CELF2: variants seen among roughly 807,000 people sequenced by gnomAD.
CELF2 encodes the protein CUGBP Elav-like family member 2.
Under a neutral mutation model 62.6 loss-of-function variants are expected in CELF2, and 8 were observed. The observed-to-expected ratio is 0.13, with a 90% confidence interval of 0.07 to 0.23. CELF2 has a LOEUF of 0.23. CELF2 is among the 10% of genes least tolerant of loss of function. The pLI, the probability that CELF2 is intolerant of heterozygous loss-of-function variation, is 1.00. For synonymous variants in CELF2, 258 were observed against 250.0 expected (o/e 1.03, Z -0.30); for missense variants, 333 against 671.0 (o/e 0.50, Z 5.56).
At chr10:11,017,232 C>A (rs563027446), upstream of CELF2, among the ~76,000 whole-genome samples, 1 of 152,310 alleles carries the variant, frequency 6.6e-6, no homozygotes, top group African/African-American at 2.4e-5. This position sits in a 1 kb window ranked among gnomAD's most constrained non-coding sequence, Gnocchi z 5.5. Context: ...TGAATTCACT[C>A]AGCTGGTTTC....
rs896525360 is a variant in CELF2 at position 11,333,549 on chromosome 10, A to T, written c.*4496A>T. 3.3e-5 allele frequency: 5 copies of T among 152,334 alleles called. No individual in the cohort carries two copies. The highest frequency in any genetic ancestry group is 7.2e-5 in the African/African-American group (3 of 41,454). The allele number at this position is 152,334 out of a possible 1,614,324, so 9.4% of individuals were successfully genotyped here. On this transcript the variant is annotated 3_prime_UTR_variant, in exon 13 of 13. Transcript: ENST00000633077. The stretch of plus-strand genomic sequence containing the variant: ...TTATCTTAAGTGCTAATTAAAAAAA[A>T]AATAAAATTTTAAAAAAACCTGTAG...
At chr10:11,107,106 G>A (rs1479675157) in intron 1 of CELF2, among the ~76,000 whole-genome samples, 3 of 152,204 alleles carry the variant, frequency 2.0e-5, no homozygotes, top group African/African-American at 4.8e-5. Flanking sequence ...CGTGGATACC[G>A]GTTTCCTCAG....
At chr10:10,718,985 CTTTTT>C in the CELF2 span, among the ~76,000 whole-genome samples, 4 of 125,124 alleles carry the variant, frequency 3.2e-5, no homozygotes, top group Admixed American at 2.5e-4. Context: ...TTATTATTCT[CTTTTT>C]TTTTTTTTTT....
chr10:10,691,936 A>G, the CELF2 span, among the ~76,000 whole-genome samples: 1 of 150,586 alleles, frequency 6.6e-6, no homozygotes, highest in African/African-American at 2.5e-5. Flanking sequence ...GGTTGCGAAA[A>G]TTTTCTCCCA....
chr10:10,953,315 A>T (rs994808519), intron 2 of CELF2, among the ~76,000 whole-genome samples: 2 of 152,208 alleles, frequency 1.3e-5, no homozygotes, highest in African/African-American at 4.8e-5. Flanking sequence ...TACCATCTAT[A>T]ATTTTTAGCT....
At chr10:11,293,697 G>T (rs1326300120) in intron 9 of CELF2, among the ~76,000 whole-genome samples, 3 of 152,308 alleles carry the variant, frequency 2.0e-5, no homozygotes, top group Admixed American at 1.3e-4. Flanking sequence ...TTGCCCTCTA[G>T]CCAGTGAGTT....
intron 2 of CELF2, among the ~76,000 whole-genome samples, chr10:10,942,450 C>A (rs914615565): frequency 1.2e-4 from 19 of 152,174 alleles, no homozygotes; most frequent in African/African-American, 4.6e-4. Context: ...GGGCCTTAGT[C>A]CCTGCCTTTC....
chr10:11,259,579 C>A (rs941846356), intron 5 of CELF2, among the ~76,000 whole-genome samples: 2 of 152,238 alleles, frequency 1.3e-5, no homozygotes, highest in African/African-American at 4.8e-5. Flanking sequence ...ATAGCAGATC[C>A]AGTATCCGGG....
At chr10:10,618,523 C>A in the CELF2 span, among the ~76,000 whole-genome samples, 1 of 152,072 alleles carries the variant, frequency 6.6e-6, no homozygotes, top group Non-Finnish European at 1.5e-5. Context: ...AATGATCATA[C>A]TGCAACTCAA....
At position 11,181,188 on chromosome 10, in the gene CELF2, C is replaced by G. The variant is rs138167818; in HGVS notation, c.271+15506C>G. ...CCTGGCCCAGACATGGAATTTAAAC[C>G]TAAATATTTTGTTGGTAGCATCCCC... On this transcript the variant is annotated intron_variant, in intron 2 of 12. Transcript: ENST00000633077. Among the ~76,000 whole-genome samples the G allele has an allele frequency of 4.5e-3, 679 of 152,186 alleles. 14 individuals carry two copies. Among genetic ancestry groups the G allele is most frequent in the East Asian group, 1.5e-3 (8 of 5,172 alleles).
At chr10:10,744,597 C>A in the CELF2 span, among the ~76,000 whole-genome samples, 1 of 152,128 alleles carries the variant, frequency 6.6e-6, no homozygotes, top group Non-Finnish European at 1.5e-5. Flanking sequence ...CGGCAAATCC[C>A]AAAATTCAAA....
chr10:11,065,372 ACTG>A (rs936630910), intron 1 of CELF2, among the ~76,000 whole-genome samples: 10 of 152,208 alleles, frequency 6.6e-5, no homozygotes, highest in Non-Finnish European at 1.3e-4. Flanking sequence ...AAATTCTTGA[ACTG>A]CTAAAGGGAA....
At chr10:11,038,017 T>C (rs1193458923) in intron 1 of CELF2, among the ~76,000 whole-genome samples, 1 of 152,210 alleles carries the variant, frequency 6.6e-6, no homozygotes, top group African/African-American at 2.4e-5. Flanking sequence ...TGTAAGACTT[T>C]GTAAAAATGC....
At chr10:10,621,917 C>T in the CELF2 span, among the ~76,000 whole-genome samples, 20 of 152,184 alleles carry the variant, frequency 1.3e-4, no homozygotes, top group East Asian at 9.7e-4. Flanking sequence ...AAAGCAAATG[C>T]GTTCCATATT....
intron 2 of CELF2, among the ~76,000 whole-genome samples, chr10:10,974,192 C>T (rs2051079831): frequency 1.3e-5 from 2 of 152,186 alleles, no homozygotes; most frequent in South Asian, 4.1e-4. Context: ...GTGTGCCGAG[C>T]ACACAGTAGT....
At chr10:11,142,815 G>A (rs991598797) in intron 1 of CELF2, among the ~76,000 whole-genome samples, 8 of 152,144 alleles carry the variant, frequency 5.3e-5, no homozygotes, top group African/African-American at 1.7e-4. Flanking sequence ...AAGGTAAGTC[G>A]TAAGGCCAGG....
chr10:11,244,418 C>T lies in CELF2; in HGVS notation c.355-4735C>T, dbSNP rs924568909. On this transcript the variant is annotated intron_variant, in intron 3 of 12. Transcript: ENST00000633077. This position sits in a 1 kb window ranked among gnomAD's most constrained non-coding sequence, Gnocchi z 4.2. ...CCTATAATCCCAGCACTTTGGGAGG[C>T]CGAGGTGGGTGGATCCCAAGGTCAG... 5.3e-5 allele frequency among the ~76,000 whole-genome samples: 8 copies of T among 152,140 alleles called. No homozygotes were observed. The highest frequency in any genetic ancestry group is 1.2e-4 in the Non-Finnish European group (8 of 68,010).
chr10:11,266,284 T>C (rs1226793330), intron 5 of CELF2, among the ~76,000 whole-genome samples: 1 of 152,116 alleles, frequency 6.6e-6, no homozygotes. Context: ...TTTTAGAAAA[T>C]GCAAACTAGA....
chr10:11,087,004 G>A (rs2046995260), intron 1 of CELF2, among the ~76,000 whole-genome samples: 1 of 152,154 alleles, frequency 6.6e-6, no homozygotes, highest in Non-Finnish European at 1.5e-5. Context: ...CCCTGTCACT[G>A]TGAGGCGGGT....
Sources: allele counts gnomAD v4.1 joint callset (sites outside exome capture counted in the v4.1 genomes callset), GRCh38; gene constraint gnomAD v4.1.1; non-coding constraint Gnocchi (gnomAD v3.1); transcripts MANE v1.5; gene names NCBI Gene and HGNC (gene_info 2026-07-23, HGNC 2026-07-21).